Variants in SLC35F1 observed in about 807,000 individuals in gnomAD.
The protein encoded by SLC35F1 is solute carrier family 35 member F1, also known as chromosome 6 open reading frame 169.
Under a neutral mutation model 48.7 loss-of-function variants are expected in SLC35F1, and 14 were observed. The ratio of observed to expected loss-of-function variants is 0.29; its 90% CI spans 0.19 to 0.45. The LOEUF is 0.45. Ranked by LOEUF, SLC35F1 falls within the 20% of genes least tolerant of loss-of-function variation. The pLI is 1.00. For synonymous variants in SLC35F1, 190 were observed against 202.2 expected (o/e 0.94, Z 0.51); for missense variants, 404 against 500.0 (o/e 0.81, Z 1.83).
chr6:118,055,381 T>C (rs1004807326), intron 1 of SLC35F1, among the ~76,000 whole-genome samples: 1 of 152,228 alleles, frequency 6.6e-6, no homozygotes, highest in Admixed American at 6.5e-5. Flanking sequence ...GGTTTTGATT[T>C]AAGGAACCTG....
intron 1 of SLC35F1, among the ~76,000 whole-genome samples, chr6:118,088,155 G>T (rs533174085): frequency 2.6e-5 from 4 of 152,058 alleles, no homozygotes; most frequent in Admixed American, 6.6e-5. Flanking sequence ...ATTAAACTGC[G>T]TATCTTTTTA....
At chr6:118,231,217 A>G (rs1275834766) in intron 2 of SLC35F1, among the ~76,000 whole-genome samples, 3 of 152,222 alleles carry the variant, frequency 2.0e-5, no homozygotes, top group Non-Finnish European at 4.4e-5. Flanking sequence ...TAACATATTG[A>G]TAATAAAAAT....
chr6:118,307,297 G>A (rs1776322803), intron 7 of SLC35F1, among the ~76,000 whole-genome samples: 1 of 152,056 alleles, frequency 6.6e-6, no homozygotes, highest in Admixed American at 6.5e-5. Context: ...GGGGTTTGTG[G>A]GGGTCATTAT....
chr6:118,211,440 T>C (rs1217246788), intron 2 of SLC35F1, among the ~76,000 whole-genome samples: 1 of 152,256 alleles, frequency 6.6e-6, no homozygotes, highest in Non-Finnish European at 1.5e-5. Flanking sequence ...CATTAATTCA[T>C]TAAATGATTA....
chr6:117,935,841 G>A (rs1776156634), intron 1 of SLC35F1, among the ~76,000 whole-genome samples: 1 of 152,202 alleles, frequency 6.6e-6, no homozygotes, highest in East Asian at 1.9e-4. Context: ...CTAGATGTAT[G>A]TCTGTGAATG....
In SLC35F1 at chr6:117,910,954, G is replaced by C. The variant is rs564935375; in HGVS notation, c.173+3055G>C. Among the ~76,000 whole-genome samples the C allele has an allele frequency of 7.9e-4, 120 of 152,326 alleles. 2 individuals carry two copies. In the South Asian group the frequency reaches 0.024, roughly 30 times the overall value. On this transcript the variant is annotated intron_variant, in intron 1 of 7. Coordinates refer to ENST00000360388, the MANE Select transcript of SLC35F1 (RefSeq NM_001029858.4). ...GTACTTCTTGCTCTCAAGAAGCTTA[G>C]AATGAAATATAGTGTTATCTTAATA... is the stretch of plus-strand genomic sequence containing the variant.
intron 3 of SLC35F1, among the ~76,000 whole-genome samples, chr6:118,266,318 A>G (rs1280160632): frequency 6.6e-6 from 1 of 152,200 alleles, no homozygotes; most frequent in Non-Finnish European, 1.5e-5. Context: ...CAAAATATAT[A>G]AAAAATGAAA....
chr6:118,126,029 G>A (rs1437753357), intron 1 of SLC35F1, among the ~76,000 whole-genome samples: 4 of 152,160 alleles, frequency 2.6e-5, no homozygotes, highest in Non-Finnish European at 4.4e-5. Flanking sequence ...CACTGGATTA[G>A]AACATTTTTT....
chr6:118,292,863 T>C (rs1443142167), intron 7 of SLC35F1, among the ~76,000 whole-genome samples: 1 of 152,196 alleles, frequency 6.6e-6, no homozygotes, highest in African/African-American at 2.4e-5. Flanking sequence ...CTGAAAGGCA[T>C]AGTGCTTCTG....
intron 1 of SLC35F1, among the ~76,000 whole-genome samples, chr6:117,953,456 T>C (rs1776388497): frequency 6.6e-6 from 1 of 152,182 alleles, no homozygotes; most frequent in Non-Finnish European, 1.5e-5. Context: ...GTATAACTCT[T>C]CCATAGTTCT....
chr6:117,940,500 C>A (rs6935283), intron 1 of SLC35F1, among the ~76,000 whole-genome samples: 85,270 of 152,070 alleles, frequency 0.56, 26,335 homozygotes, highest in South Asian at 0.81. Flanking sequence ...GGTTGTATAT[C>A]CAAAGAAAAA....
At chr6:117,924,744 G>A (rs1354772864) in intron 1 of SLC35F1, among the ~76,000 whole-genome samples, 2 of 152,032 alleles carry the variant, frequency 1.3e-5, no homozygotes, top group Non-Finnish European at 2.9e-5. Context: ...TGATGTGATA[G>A]AAACTTGCTT....
chr6:118,287,155 C>A, intron 7 of SLC35F1, among the ~76,000 whole-genome samples: 1 of 152,188 alleles, frequency 6.6e-6, no homozygotes, highest in Non-Finnish European at 1.5e-5. Context: ...ATATTCCTCT[C>A]GTGCTGCTCC....
rs192463202 is a variant in SLC35F1 at position 118,303,408 on chromosome 6, A to C, written c.1003-10620A>C. ...TTACTACTTTGTAATGCAGCTAACA[A>C]AGTAATTAGGAGAGAGGGAAGAGAA... On this transcript the variant is annotated intron_variant, in intron 7 of 7. Coordinates refer to ENST00000360388, the MANE Select transcript of SLC35F1 (RefSeq NM_001029858.4). Among the ~76,000 whole-genome samples, 779 of 152,314 alleles carry C rather than the reference A, an allele frequency of 5.1e-3. 9 individuals carry two copies. The highest frequency in any genetic ancestry group is 0.018 in the African/African-American group (747 of 41,570).
chr6:118,123,143 T>C (rs1454959374), intron 1 of SLC35F1, among the ~76,000 whole-genome samples: 1 of 152,210 alleles, frequency 6.6e-6, no homozygotes, highest in African/African-American at 2.4e-5. Context: ...TCCATTTATG[T>C]TGTATAATAA....
chr6:117,931,174 G>A lies in SLC35F1; in HGVS notation c.173+23275G>A, dbSNP rs150563056. On this transcript the variant is annotated intron_variant, in intron 1 of 7. Transcript: ENST00000360388. ...CACCCTATTTGAATGGTTTTGTTATGCTTATAATTGTGCCTCTATCATATA... is the reference window on the plus strand; with the variant it reads ...CACCCTATTTGAATGGTTTTGTTATACTTATAATTGTGCCTCTATCATATA... 1.4e-3 allele frequency among the ~76,000 whole-genome samples: 216 copies of A among 152,220 alleles called. 1 individual carries two copies. The highest frequency in any genetic ancestry group is 5.0e-3 in the African/African-American group (209 of 41,552).
intron 2 of SLC35F1, among the ~76,000 whole-genome samples, chr6:118,227,571 A>G (rs1376064591): frequency 1.3e-5 from 2 of 152,232 alleles, no homozygotes; most frequent in African/African-American, 4.8e-5. Context: ...AACCTTATGC[A>G]ATGATGATTC....
intron 2 of SLC35F1, among the ~76,000 whole-genome samples, chr6:118,179,899 A>T (rs1774548376): frequency 6.6e-6 from 1 of 152,132 alleles, no homozygotes; most frequent in Non-Finnish European, 1.5e-5. Context: ...ACAGTTGCCA[A>T]TATGGCATTC....
intron 1 of SLC35F1, among the ~76,000 whole-genome samples, chr6:117,954,081 G>A (rs1037396759): frequency 6.6e-6 from 1 of 152,140 alleles, no homozygotes; most frequent in Non-Finnish European, 1.5e-5. Context: ...GAAAAGGAAA[G>A]CAGTCATATT....
Sources: allele counts gnomAD v4.1 joint callset (sites outside exome capture counted in the v4.1 genomes callset), GRCh38; gene constraint gnomAD v4.1.1; transcripts MANE v1.5; gene names NCBI Gene and HGNC (gene_info 2026-07-23, HGNC 2026-07-21).